SLC35F4: variants seen among roughly 807,000 people sequenced by gnomAD.
SLC35F4 encodes the protein chromosome 14 open reading frame 36.
Under a neutral mutation model 44.2 loss-of-function variants are expected in SLC35F4, and 24 were observed. That is an observed-to-expected ratio of 0.54 (90% CI 0.39 to 0.76). The LOEUF is 0.76. Ranked by LOEUF, SLC35F4 falls within the 30% of genes least tolerant of loss-of-function variation. The pLI, the probability that SLC35F4 is intolerant of heterozygous loss-of-function variation, is 0.00. For synonymous variants in SLC35F4, 238 were observed against 223.6 expected (o/e 1.06, Z -0.57); for missense variants, 562 against 586.1 (o/e 0.96, Z 0.42).
intron 1 of SLC35F4, among the ~76,000 whole-genome samples, chr14:57,948,948 G>T (rs1032681524): frequency 2.0e-5 from 3 of 152,038 alleles, no homozygotes; most frequent in Non-Finnish European, 4.4e-5. Context: ...TTGTTTTGTG[G>T]CCTATCATAT....
At chr14:57,678,650 G>A (rs188305151) in intron 1 of SLC35F4, among the ~76,000 whole-genome samples, 4 of 151,352 alleles carry the variant, frequency 2.6e-5, no homozygotes, top group African/African-American at 9.7e-5. Context: ...ATACACACAG[G>A]CTCAAAATAA....
chr14:57,734,086 T>TG (rs2076409634), intron 1 of SLC35F4, among the ~76,000 whole-genome samples: 1 of 152,136 alleles, frequency 6.6e-6, no homozygotes, highest in African/African-American at 2.4e-5. Flanking sequence ...TCACTAAAAT[T>TG]GGGGGGAAAG....
At chr14:57,798,236 T>C (rs1041370935) in intron 1 of SLC35F4, among the ~76,000 whole-genome samples, 2 of 151,196 alleles carry the variant, frequency 1.3e-5, no homozygotes, top group South Asian at 2.1e-4. Context: ...AAATAACATA[T>C]TGAAAATGGA....
intron 1 of SLC35F4, among the ~76,000 whole-genome samples, chr14:57,646,135 C>T (rs1251800258): frequency 2.0e-5 from 3 of 152,144 alleles, no homozygotes; most frequent in Admixed American, 6.5e-5. Flanking sequence ...ATGCTGGCCT[C>T]ATAAAATGAG....
At chr14:57,981,321 A>T (rs7160086) in intron 1 of SLC35F4, among the ~76,000 whole-genome samples, 59,411 of 151,920 alleles carry the variant, frequency 0.39, 11,746 homozygotes, top group African/African-American at 0.47. Context: ...AAGAAAATAT[A>T]CGTGAAAAAC....
chr14:57,852,765 C>G (rs545768246), intron 1 of SLC35F4, among the ~76,000 whole-genome samples: 34 of 152,324 alleles, frequency 2.2e-4, no homozygotes, highest in African/African-American at 7.9e-4. Flanking sequence ...ATGCCTATAA[C>G]TGAACATGGG....
intron 1 of SLC35F4, chr14:57,837,541 TG>T (rs1473076545): frequency 6.6e-6 from 1 of 152,234 alleles, no homozygotes; most frequent in Non-Finnish European, 1.5e-5. Flanking sequence ...TCACAGCTTC[TG>T]GGATAGGGAC....
intron 1 of SLC35F4, among the ~76,000 whole-genome samples, chr14:57,705,861 A>G (rs1021617647): frequency 6.6e-6 from 1 of 152,130 alleles, no homozygotes; most frequent in African/African-American, 2.4e-5. Flanking sequence ...TGTTTCCTCG[A>G]AGTTAGTTTT....
intron 1 of SLC35F4, among the ~76,000 whole-genome samples, chr14:57,666,934 G>A (rs1221406530): frequency 6.6e-6 from 1 of 152,024 alleles, no homozygotes; most frequent in African/African-American, 2.4e-5. Flanking sequence ...AAACTACAAA[G>A]CAGAAAGTTC....
At chr14:57,737,636 C>T (rs985074776) in intron 1 of SLC35F4, among the ~76,000 whole-genome samples, 1 of 152,202 alleles carries the variant, frequency 6.6e-6, no homozygotes, top group East Asian at 1.9e-4. Flanking sequence ...CAGGTCCAGA[C>T]CTCAGATTCT....
At chr14:57,782,468 A>G (rs2077647172) in intron 1 of SLC35F4, among the ~76,000 whole-genome samples, 1 of 152,236 alleles carries the variant, frequency 6.6e-6, no homozygotes. Flanking sequence ...AAACGTACAC[A>G]AATATGCTAT....
chr14:57,977,776 A>G lies in SLC35F4; in HGVS notation n.152-819T>C, dbSNP rs149852803. ...GGGTCTGCTCAGTAGATGAGTGCCG[A>G]CTATAAATGCACTACTTCTGCTCTA... is the stretch of plus-strand genomic sequence containing the variant. On this transcript the variant is annotated intron_variant and non_coding_transcript_variant, in intron 1 of 1. Coordinates refer to the SLC35F4 transcript ENST00000554648. Among the ~76,000 whole-genome samples, 433 of 152,288 alleles carry G rather than the reference A, an allele frequency of 2.8e-3. 3 individuals are homozygous for G. Among genetic ancestry groups the G allele is most frequent in the African/African-American group, 1.0e-2 (415 of 41,560 alleles).
At chr14:57,683,459 T>TCCCC (rs5808934) in intron 1 of SLC35F4, among the ~76,000 whole-genome samples, 1 of 152,032 alleles carries the variant, frequency 6.6e-6, no homozygotes, top group East Asian at 1.9e-4. Context: ...GATCGCCTTT[T>TCCCC]CCCCTTCAAT....
intron 1 of SLC35F4, among the ~76,000 whole-genome samples, chr14:57,798,876 A>G (rs2078119367): frequency 6.6e-6 from 1 of 152,236 alleles, no homozygotes; most frequent in Admixed American, 6.5e-5. Flanking sequence ...AGAGAAGCAG[A>G]GAATAAATGA....
intron 1 of SLC35F4, among the ~76,000 whole-genome samples, chr14:57,852,155 T>G (rs1886635940): frequency 6.6e-6 from 1 of 152,072 alleles, no homozygotes; most frequent in African/African-American, 2.4e-5. Context: ...TAGCCACTTG[T>G]GGTAAGTGCT....
intron 1 of SLC35F4, among the ~76,000 whole-genome samples, chr14:57,761,050 G>A (rs2077112649): frequency 6.6e-6 from 1 of 152,038 alleles, no homozygotes; most frequent in Non-Finnish European, 1.5e-5. Context: ...CTCTGTGTGA[G>A]TCCCCTCTGC....
intron 1 of SLC35F4, among the ~76,000 whole-genome samples, chr14:57,702,458 G>A (rs2140370132): frequency 6.6e-6 from 1 of 151,610 alleles, no homozygotes; most frequent in East Asian, 1.9e-4. Flanking sequence ...GACTTGATAT[G>A]TCCTTGCATA....
At chr14:57,884,457 C>T (rs1427503716) in intron 1 of SLC35F4, among the ~76,000 whole-genome samples, 1 of 152,148 alleles carries the variant, frequency 6.6e-6, no homozygotes, top group African/African-American at 2.4e-5. Flanking sequence ...GAGGACTCTT[C>T]CATATTTCGT....
chr14:57,712,604 A>T (rs1405623664), intron 1 of SLC35F4, among the ~76,000 whole-genome samples: 1 of 152,100 alleles, frequency 6.6e-6, no homozygotes, highest in African/African-American at 2.4e-5. Flanking sequence ...ACTCCTTCTA[A>T]CCCTGGGGGG....
Sources: allele counts gnomAD v4.1 joint callset (sites outside exome capture counted in the v4.1 genomes callset), GRCh38; gene constraint gnomAD v4.1.1; transcripts MANE v1.5; gene names NCBI Gene and HGNC (gene_info 2026-07-23, HGNC 2026-07-21).